Variants in SPATA31C2 observed in about 807,000 individuals in gnomAD.
The protein encoded by SPATA31C2 is SPATA31 subfamily C member 2, also known as spermatogenesis-associated protein 31C2.
A neutral mutation model predicts 11.4 loss-of-function variants in SPATA31C2; 5 were observed. That is an observed-to-expected ratio of 0.44 (90% CI 0.23 to 0.92). SPATA31C2 has a LOEUF of 0.92. Among genes scored for constraint, SPATA31C2 ranks in the 40% least tolerant of loss-of-function variants. The pLI is 0.24. For synonymous variants in SPATA31C2, 515 were observed against 538.7 expected, an observed-to-expected ratio of 0.96 and a Z score of 0.61; for missense variants, 1,353 against 1,368.6, an observed-to-expected ratio of 0.99 and a Z score of 0.18.
chr9:88,131,047 T>G lies in SPATA31C2; in HGVS notation c.1990A>C (p.Arg664=). The G allele has an allele frequency of 1.2e-6, 2 of 1,612,016 alleles. No individual in the cohort carries two copies. Among genetic ancestry groups the G allele is most frequent in the Non-Finnish European group, 1.7e-6 (2 of 1,179,858 alleles). The change falls in exon 4 of 4, where the codon AGG becomes CGG. Residue 664 remains arginine, a synonymous_variant. Coordinates refer to ENST00000324915, the MANE Select transcript of SPATA31C2 (RefSeq NM_001350978.3). ...WAKHRWGLPL[R]VLKPIQCFQL... is the part of the protein sequence containing the mutation. ...AAGCACTGAATGGGCTTGAGGACCC[T>G]GAGGGGTAGACCCCACCTGTGTTTG...
In SPATA31C2 at chr9:88,132,239, C is replaced by G; in HGVS notation, c.798G>C (p.Leu266Phe). Residue 266 changes from leucine to phenylalanine, a missense_variant, in exon 4 of 4, where the codon TTG (leucine) becomes TTC (phenylalanine). Leu to Phe is a conservative substitution (Grantham distance 22, BLOSUM62 0). Around this residue, in one of 6 missense-constraint regions of SPATA31C2, gnomAD observed 1,075 missense variants for 992.8 expected, o/e 1.08. Transcript: ENST00000324915. ...CTGAGATGCCTGGGACAGAAGCCGC[C>G]AAATCCTCACGTGGAGACAAGCTTT... ...VPQSLSPRED[L>F]AASVPGISGL... 4 of 1,610,734 alleles carry G rather than the reference C, an allele frequency of 2.5e-6. No homozygotes were observed. Among genetic ancestry groups the G allele is most frequent in the Non-Finnish European group, 3.4e-6 (4 of 1,177,678 alleles).
Position 88,130,473 on chromosome 9 carries a change from G to C in SPATA31C2, c.2564C>G (p.Ala855Gly), listed in dbSNP as rs1356438207. The C allele has an allele frequency of 6.2e-7, 1 of 1,613,358 alleles. No individual in the cohort carries two copies. Among genetic ancestry groups the C allele is most frequent in the Non-Finnish European group, 8.5e-7 (1 of 1,179,540 alleles). The change falls in exon 4 of 4, where the codon GCT (alanine) becomes GGT (glycine). Residue 855 changes from alanine (A) to glycine (G), a missense_variant. By Grantham distance (60) the Ala-to-Gly change is moderately conservative (BLOSUM62 0). Coordinates refer to ENST00000324915, the MANE Select transcript of SPATA31C2 (RefSeq NM_001350978.3). The part of the protein sequence containing the change: ...DPRKLCLMEE[A>G]VSEFEPGKAT... ...CTTTCCAGGCTCAAATTCACTAACA[G>C]CCTCCTCCATGAGACACAGCTTTCT... is the stretch of plus-strand genomic sequence containing the variant.
At chr9:88,137,317 T>C (rs1825694409) in intron 1 of SPATA31C2, among the ~76,000 whole-genome samples, 1 of 141,390 alleles carries the variant, frequency 7.1e-6, no homozygotes, top group South Asian at 2.3e-4. Context: ...TCTAACCTCA[T>C]GTCTTTATTA....
chr9:88,137,350 C>T (rs960641335), intron 1 of SPATA31C2, among the ~76,000 whole-genome samples: 16 of 146,826 alleles, frequency 1.1e-4, no homozygotes, highest in Non-Finnish European at 1.6e-4. Context: ...ATCAGCCGGG[C>T]GCGGTGGCTC....
Position 88,133,588 on chromosome 9 carries a change from C to T in SPATA31C2, c.265+6G>A. 6.3e-7 allele frequency: 1 copy of T among 1,581,320 alleles called. No individual in the cohort carries two copies. The highest frequency in any genetic ancestry group is 8.6e-7 in the Non-Finnish European group (1 of 1,162,602). ...TTAACTCTAGTGTGCCCTGGCAGAGCCTTACCTCTCAGACTGTGGTTTTTC... is the reference window on the plus strand; with the variant it reads ...TTAACTCTAGTGTGCCCTGGCAGAGTCTTACCTCTCAGACTGTGGTTTTTC... On this transcript the variant is annotated splice_donor_region_variant and intron_variant, in intron 2 of 3. Transcript: ENST00000324915.
Position 88,132,556 on chromosome 9 carries a change from G to C in SPATA31C2, c.481C>G (p.Pro161Ala), listed in dbSNP as rs767533763. The C allele has an allele frequency of 7.9e-5, 128 of 1,610,516 alleles. No individual in the cohort carries two copies. The highest frequency in any genetic ancestry group is 3.3e-4 in the Middle Eastern group (2 of 6,064). Reference protein sequence around the residue: ...AAPIVSPLASPDPRTKHPQDL... With the variant: ...AAPIVSPLASADPRTKHPQDL... The stretch of plus-strand genomic sequence containing the variant: ...TGAGGATGCTTGGTTCGAGGATCCG[G>C]GGAAGCTAACGGGGAGACAATGGGA... The change falls in exon 4 of 4, where the codon CCG becomes GCG. Residue 161 changes from proline (P) to alanine (A), a missense_variant. This residue lies in a region of SPATA31C2 where 1,075 missense variants were observed against 992.8 expected (regional missense o/e 1.08). Transcript: ENST00000324915.
chr9:88,132,435 T>A lies in SPATA31C2; in HGVS notation c.602A>T (p.His201Leu). 1.9e-6 allele frequency: 3 copies of A among 1,611,002 alleles called. No individual in the cohort carries two copies. The highest frequency in any genetic ancestry group is 1.7e-4 in the Middle Eastern group (1 of 5,988). Residue 201 changes from histidine (H) to leucine (L), a missense_variant, in exon 4 of 4, where the codon CAT becomes CTT. By Grantham distance (99) the His-to-Leu change is moderately conservative. This residue lies in a region of SPATA31C2 where 1,075 missense variants were observed against 992.8 expected (regional missense o/e 1.08). Transcript: ENST00000324915. ...AAGTGCAGGTGGCTCGGGTGAGGGA[T>A]GTTCTAGGAGAAGGGAAGGTTCTGG... is the stretch of plus-strand genomic sequence containing the variant. The part of the protein sequence containing the change: ...QPPEPSLLLE[H>L]PSPEPPALFP...
At chr9:88,137,319 T>C (rs1398979442) in intron 1 of SPATA31C2, among the ~76,000 whole-genome samples, 1 of 139,774 alleles carries the variant, frequency 7.2e-6, no homozygotes, top group African/African-American at 2.7e-5. Flanking sequence ...TAACCTCATG[T>C]CTTTATTAAA....
intron 1 of SPATA31C2, among the ~76,000 whole-genome samples, chr9:88,134,489 C>T (rs1430692938): frequency 1.4e-5 from 2 of 146,934 alleles, no homozygotes; most frequent in Non-Finnish European, 3.0e-5. Flanking sequence ...CCTCCCCCGT[C>T]TCATGACCGG....
In SPATA31C2 at chr9:88,131,603, C is replaced by G. The variant is rs755259256; in HGVS notation, c.1434G>C (p.Gly478=). The G allele has an allele frequency of 1.9e-6, 3 of 1,611,794 alleles. No individual in the cohort carries two copies. The highest frequency in any genetic ancestry group is 2.5e-6 in the Non-Finnish European group (3 of 1,179,844). The change falls in exon 4 of 4, where the codon GGG becomes GGC. Residue 478 remains glycine (G), a synonymous_variant. Transcript: ENST00000324915. ...DLMQLQDELP[G]TSQAKGKPRP... ...TGGGTTTGCCCTTGGCCTGACTTGT[C>G]CCTGGCAATTCATCCTGAAGCTGCA...
intron 1 of SPATA31C2, among the ~76,000 whole-genome samples, chr9:88,135,962 C>G (rs1316355276): frequency 1.4e-5 from 2 of 138,086 alleles, no homozygotes; most frequent in Non-Finnish European, 3.1e-5. Context: ...GAGATGGAGT[C>G]TCACTCTGTT....
chr9:88,137,427 C>G lies in SPATA31C2; in HGVS notation c.189+831G>C, dbSNP rs879710421. Among the ~76,000 whole-genome samples, 13 of 146,840 alleles carry G rather than the reference C, an allele frequency of 8.9e-5. 1 individual carries two copies. Among genetic ancestry groups the G allele is most frequent in the Non-Finnish European group, 1.7e-4 (11 of 66,610 alleles). The stretch of plus-strand genomic sequence containing the variant: ...ATCACCTGAAGTCAAGAGTTTGAGA[C>G]CAGCCTGGCCATGGTGAAACCCCAT... On this transcript the variant is annotated intron_variant, in intron 1 of 3. Coordinates refer to ENST00000324915, the MANE Select transcript of SPATA31C2 (RefSeq NM_001350978.3).
intron 3 of SPATA31C2, 102 bp downstream of exon 3, chr9:88,132,864 C>T: frequency 1.5e-6 from 2 of 1,312,644 alleles, no homozygotes; most frequent in Non-Finnish European, 2.0e-6. Context: ...CATCCTCTGT[C>T]CCCCTGGTCT....
chr9:88,136,535 G>A (rs1227726400), intron 1 of SPATA31C2, among the ~76,000 whole-genome samples: 3 of 147,542 alleles, frequency 2.0e-5, no homozygotes, highest in East Asian at 2.0e-4. Flanking sequence ...CAGGGCAAAA[G>A]TTTTAAATTT....
At position 88,130,704 on chromosome 9, in the gene SPATA31C2, G is replaced by T. The variant is rs1016276875; in HGVS notation, c.2333C>A (p.Thr778Lys). Reference protein sequence around the residue: ...WPSKPLTYSLTGSTQQSRSLG... With the variant: ...WPSKPLTYSLKGSTQQSRSLG... The stretch of plus-strand genomic sequence containing the variant: ...GCTCCTGCTCTGCTGGGTGCTGCCT[G>T]TGAGGCTGTATGTGAGGGGCTTAGA... Residue 778 changes from threonine to lysine, a missense_variant, in exon 4 of 4, where the codon ACA (threonine) becomes AAA (lysine). By Grantham distance (78) the Thr-to-Lys change is moderately conservative (BLOSUM62 -1). Transcript: ENST00000324915. The T allele has an allele frequency of 4.2e-5, 68 of 1,613,900 alleles. No individual in the cohort carries two copies. The highest frequency in any genetic ancestry group is 2.0e-4 in the East Asian group (9 of 44,866).
chr9:88,137,437 C>T (rs979892957), intron 1 of SPATA31C2, among the ~76,000 whole-genome samples: 1 of 146,562 alleles, frequency 6.8e-6, no homozygotes, highest in Non-Finnish European at 1.5e-5. Flanking sequence ...CCAGCCTGGC[C>T]ATGGTGAAAC....
At position 88,131,905 on chromosome 9, in the gene SPATA31C2, C is replaced by G. The variant is rs755157391; in HGVS notation, c.1132G>C (p.Ala378Pro). Residue 378 changes from alanine (A) to proline (P), a missense_variant, in exon 4 of 4, where the codon GCT (alanine) becomes CCT (proline). Coordinates refer to ENST00000324915, the MANE Select transcript of SPATA31C2 (RefSeq NM_001350978.3). ...FLSPMKNTGVACPASQNKVQA... is the reference protein window; with the variant it reads ...FLSPMKNTGVPCPASQNKVQA... ...ACTTTATTCTGCGACGCAGGGCAAG[C>G]TACTCCAGTGTTCTTCATCGGGGAT... 7.5e-6 allele frequency: 12 copies of G among 1,610,212 alleles called. No homozygotes were observed. In the Admixed American group the frequency reaches 8.3e-5, roughly 11 times the overall value.
Position 88,130,429 on chromosome 9 carries a change from G to A in SPATA31C2, c.2608C>T (p.Gln870Ter). The A allele has an allele frequency of 6.2e-7, 1 of 1,612,920 alleles. No homozygotes were observed. Among genetic ancestry groups the A allele is most frequent in the Non-Finnish European group, 8.5e-7 (1 of 1,179,504 alleles). ...EPGKATKSET[Q>*]PQVSATVVLL... ...ACAACAGTGGCAGAAACTTGAGGCT[G>A]GGTCTCTGACTTCGTGGCCTTTCCA... Residue 870 changes from glutamine to a stop codon, truncating the protein, a stop_gained, in exon 4 of 4, where the codon CAG (glutamine) becomes TAG (stop). Transcript: ENST00000324915. LOFTEE classifies it low-confidence loss of function (END_TRUNC).
At chr9:88,136,949 A>ATTGCAGTC in intron 1 of SPATA31C2, among the ~76,000 whole-genome samples, 1 of 128,808 alleles carries the variant, frequency 7.8e-6, no homozygotes, top group Non-Finnish European at 1.6e-5. Flanking sequence ...GCAAGACCCT[A>ATTGCAGTC]TTGCAGTAAT....
Sources: allele counts gnomAD v4.1 joint callset (sites outside exome capture counted in the v4.1 genomes callset), GRCh38; gene constraint gnomAD v4.1.1; regional missense constraint gnomAD v4.1.1; transcripts MANE v1.5; gene names NCBI Gene and HGNC (gene_info 2026-07-23, HGNC 2026-07-21).